ARL6IP5: variants seen among roughly 807,000 people sequenced by gnomAD.
The protein encoded by ARL6IP5 is ARF like GTPase 6 interacting protein 5.
ARL6IP5 carries 6 observed loss-of-function variants against 13.0 expected under a neutral mutation model. The ratio of observed to expected loss-of-function variants is 0.46; its 90% CI spans 0.25 to 0.91. ARL6IP5 has a LOEUF of 0.91. Ranked by LOEUF, ARL6IP5 falls within the 40% of genes least tolerant of loss-of-function variation. The pLI is 0.17. For missense variants in ARL6IP5, 208 were observed against 248.8 expected, an observed-to-expected ratio of 0.84 and a Z score of 1.10; for synonymous variants, 91 against 91.9, an observed-to-expected ratio of 0.99 and a Z score of 0.06.
At chr3:69,103,507 A>G (rs746600365) in intron 2 of ARL6IP5, among the ~76,000 whole-genome samples, 1 of 152,228 alleles carries the variant, frequency 6.6e-6, no homozygotes, top group Non-Finnish European at 1.5e-5. Context: ...GTGGGTCAAC[A>G]GTGGTACCCA....
At chr3:69,097,452 C>T (rs1461793592) in intron 1 of ARL6IP5, among the ~76,000 whole-genome samples, 2 of 151,634 alleles carry the variant, frequency 1.3e-5, no homozygotes, top group African/African-American at 4.8e-5. Context: ...GCTGGGATTA[C>T]AGACATGAGC....
chr3:69,104,746 A>C lies in ARL6IP5; in HGVS notation c.*110A>C. On this transcript the variant is annotated 3_prime_UTR_variant, in exon 3 of 3. Coordinates refer to ENST00000273258, the MANE Select transcript of ARL6IP5 (RefSeq NM_006407.4). ...AAACAGGAGGTGCACGTACCACCCA[A>C]TTATCTATGGCAGCATGCATGTATA... The C allele has an allele frequency of 8.3e-7, 1 of 1,200,478 alleles. No homozygotes were observed. The highest frequency in any genetic ancestry group is 1.2e-6 in the Non-Finnish European group (1 of 830,712). 74.4% of individuals were successfully genotyped at this position (1,200,478 alleles called of 1,614,324 possible). A position where few individuals can be genotyped will look rare whatever the true frequency, so the allele number is the denominator to read the frequency against.
intron 1 of ARL6IP5, among the ~76,000 whole-genome samples, chr3:69,101,112 T>C (rs1421790048): frequency 5.3e-5 from 8 of 152,168 alleles, no homozygotes; most frequent in Non-Finnish European, 1.2e-4. Context: ...TTATGTGGCC[T>C]GTATTCTACA....
chr3:69,089,765 G>C lies in ARL6IP5; in HGVS notation c.176+4542G>C, dbSNP rs76837509. 3.8e-4 allele frequency: 173 copies of C among 456,066 alleles called. No homozygotes were observed. In the East Asian group the frequency reaches 0.012, roughly 31 times the overall value. 28.3% of individuals were successfully genotyped at this position (456,066 alleles called of 1,614,324 possible). On this transcript the variant is annotated intron_variant, in intron 1 of 2. Transcript: ENST00000273258. ...TGCCTCTGCTGCTTCTCCAGCAAGA[G>C]AGCTGCATGTATTCTTATGTATATA...
chr3:69,091,428 G>A (rs899314230), intron 1 of ARL6IP5, among the ~76,000 whole-genome samples: 1 of 151,896 alleles, frequency 6.6e-6, no homozygotes, highest in Admixed American at 6.6e-5. Context: ...TTAAGTAGCT[G>A]GGACTATAGG....
At chr3:69,102,704 C>T (rs1017605137) in intron 2 of ARL6IP5, among the ~76,000 whole-genome samples, 5 of 152,202 alleles carry the variant, frequency 3.3e-5, no homozygotes, top group Admixed American at 1.3e-4. Context: ...AGTGCCATTC[C>T]TATTGTCCTG....
In ARL6IP5 at chr3:69,095,557, C is replaced by G. The variant is rs565175109; in HGVS notation, c.177-6282C>G. Among the ~76,000 whole-genome samples, 17 of 150,736 alleles carry G rather than the reference C, an allele frequency of 1.1e-4. No individual in the cohort carries two copies. In the East Asian group the frequency reaches 2.9e-3, roughly 26 times the overall value. On this transcript the variant is annotated intron_variant, in intron 1 of 2. Transcript: ENST00000273258. ...CTCTGTCACCCACGCTGGAGTGGCA[C>G]AATCTCAGCTCACTTCAACCTCCAC... is the stretch of plus-strand genomic sequence containing the variant.
chr3:69,097,239 C>T (rs1282573879), intron 1 of ARL6IP5, among the ~76,000 whole-genome samples: 1 of 152,060 alleles, frequency 6.6e-6, no homozygotes, highest in Non-Finnish European at 1.5e-5. Context: ...CAGCTCCCTG[C>T]AGCCTTGACC....
rs182752770 is a variant in ARL6IP5 at position 69,097,650 on chromosome 3, G to A, written c.177-4189G>A. 1.4e-3 allele frequency among the ~76,000 whole-genome samples: 210 copies of A among 152,194 alleles called. 1 individual carries two copies. Among genetic ancestry groups the A allele is most frequent in the African/African-American group, 4.9e-3 (204 of 41,498 alleles). ...TTTTTTCTTTCCCAGACCAATTCCG[G>A]GGTTGTCTCAGAAGACAGGGCATAA... is the stretch of plus-strand genomic sequence containing the variant. On this transcript the variant is annotated intron_variant, in intron 1 of 2. Transcript: ENST00000273258.
At chr3:69,088,891 C>G (rs554022899) in intron 1 of ARL6IP5, among the ~76,000 whole-genome samples, 1 of 152,208 alleles carries the variant, frequency 6.6e-6, no homozygotes, top group Non-Finnish European at 1.5e-5. Context: ...ATGACACTTG[C>G]AATTTAAGTA....
chr3:69,105,096 T>G lies in ARL6IP5; in HGVS notation c.*460T>G, dbSNP rs2092318568. 2.0e-6 allele frequency: 1 copy of G among 502,394 alleles called. No individual in the cohort carries two copies. Among genetic ancestry groups the G allele is most frequent in the Admixed American group, 3.7e-5 (1 of 27,090 alleles). 31.1% of individuals were successfully genotyped at this position (502,394 alleles called of 1,614,324 possible). ...TTGTAATGTGTGGGATATAAATTAGTTTTTATTATTCTCTTAAAAATCAAA... is the reference window on the plus strand; with the variant it reads ...TTGTAATGTGTGGGATATAAATTAGGTTTTATTATTCTCTTAAAAATCAAA... On this transcript the variant is annotated 3_prime_UTR_variant, in exon 3 of 3. Coordinates refer to ENST00000273258, the MANE Select transcript of ARL6IP5 (RefSeq NM_006407.4).
At chr3:69,094,005 A>G (rs865983637) in intron 1 of ARL6IP5, among the ~76,000 whole-genome samples, 1 of 152,290 alleles carries the variant, frequency 6.6e-6, no homozygotes, top group Middle Eastern at 3.4e-3. Flanking sequence ...AGAGAGACTG[A>G]GGAAAGGCTG....
At chr3:69,104,064 T>G (rs1287749134) in intron 2 of ARL6IP5, among the ~76,000 whole-genome samples, 1 of 152,102 alleles carries the variant, frequency 6.6e-6, no homozygotes, top group Admixed American at 6.6e-5. Flanking sequence ...ATACAGATAA[T>G]CCCGAATCGA....
chr3:69,085,391 A>T (rs2092244457), intron 1 of ARL6IP5, among the ~76,000 whole-genome samples, 168 bp downstream of exon 1: 1 of 152,214 alleles, frequency 6.6e-6, no homozygotes, highest in Non-Finnish European at 1.5e-5. Flanking sequence ...GCGAGGCCGC[A>T]GTAACCTGGG....
intron 1 of ARL6IP5, among the ~76,000 whole-genome samples, chr3:69,087,809 G>T (rs530847817): frequency 6.6e-6 from 1 of 152,304 alleles, no homozygotes; most frequent in South Asian, 2.1e-4. Context: ...AGTAGTAAAG[G>T]TTGATTTGAA....
At chr3:69,100,771 A>G (rs2092302621) in intron 1 of ARL6IP5, among the ~76,000 whole-genome samples, 1 of 150,064 alleles carries the variant, frequency 6.7e-6, no homozygotes, top group Admixed American at 6.7e-5. Flanking sequence ...ACAGAGCAAG[A>G]CTCTGTCTCA....
intron 1 of ARL6IP5, 103 bp from the exon 2 acceptor site, chr3:69,101,736 A>T: frequency 1.1e-6 from 1 of 918,502 alleles, no homozygotes; most frequent in South Asian, 1.5e-5. Context: ...TAAAGTATTA[A>T]AGTATTAGTA....
At chr3:69,087,532 C>A (rs1414606510) in intron 1 of ARL6IP5, among the ~76,000 whole-genome samples, 2 of 151,946 alleles carry the variant, frequency 1.3e-5, no homozygotes, top group Non-Finnish European at 2.9e-5. Context: ...CCAGACCAGG[C>A]ACAAGCTCAG....
chr3:69,094,077 G>A (rs1305269503), intron 1 of ARL6IP5, among the ~76,000 whole-genome samples: 1 of 152,208 alleles, frequency 6.6e-6, no homozygotes, highest in Non-Finnish European at 1.5e-5. Flanking sequence ...CTCTCTGCCT[G>A]ATTCACCTCA....
Sources: allele counts gnomAD v4.1 joint callset (sites outside exome capture counted in the v4.1 genomes callset), GRCh38; gene constraint gnomAD v4.1.1; transcripts MANE v1.5; gene names NCBI Gene and HGNC (gene_info 2026-07-23, HGNC 2026-07-21).